The following ZNF428 variants were observed in gnomAD, a reference collection of about 807,000 sequenced individuals.
The protein encoded by ZNF428 is zinc finger protein 428, also known as enzyme-like protein PIT13.
In ZNF428, 5 loss-of-function variants were observed where a neutral mutation model predicts 15.6. The ratio of observed to expected loss-of-function variants is 0.32; its 90% CI spans 0.17 to 0.67. The LOEUF (loss-of-function observed/expected upper bound fraction) is 0.67, where lower values mean the gene tolerates loss of function less well. ZNF428 is among the 30% of genes least tolerant of loss of function. ZNF428 has a pLI of 0.73. For missense variants in ZNF428, 237 were observed against 256.0 expected, an observed-to-expected ratio of 0.93 and a Z score of 0.51; for synonymous variants, 97 against 102.2, an observed-to-expected ratio of 0.95 and a Z score of 0.31.
At chr19:43,609,054 A>G (rs1973268927) in intron 2 of ZNF428, among the ~76,000 whole-genome samples, 1 of 152,180 alleles carries the variant, frequency 6.6e-6, no homozygotes, top group South Asian at 2.1e-4. Context: ...GGAGTAGTAA[A>G]AACCCACCAG....
chr19:43,612,630 G>GA lies in ZNF428; in HGVS notation c.76+1598dup. 3 of 1,551,538 alleles carry GA rather than the reference G, an allele frequency of 1.9e-6. No homozygotes were observed. Among genetic ancestry groups the GA allele is most frequent in the Non-Finnish European group, 2.6e-6 (3 of 1,146,986 alleles). On this transcript the variant is annotated intron_variant, in intron 2 of 2. Coordinates refer to ENST00000300811, the MANE Select transcript of ZNF428 (RefSeq NM_182498.4). This position sits in a 1 kb window ranked among gnomAD's most constrained non-coding sequence, Gnocchi z 4.2. ...ACTTCACAGCAAAAAGGGAGCCGGG[G>GA]AAAGAGTTACGGCCGGCCTAGAACC...
rs1973313437 is a variant in ZNF428, at chr19:43,612,648, C to G, written c.76+1581G>C. The G allele has an allele frequency of 4.5e-6, 7 of 1,551,264 alleles. No homozygotes were observed. The highest frequency in any genetic ancestry group is 1.4e-5 in the African/African-American group (1 of 73,026). ...AGCCGGGGAAAGAGTTACGGCCGGC[C>G]TAGAACCAGCAACAGGGAAAGGAGT... On this transcript the variant is annotated intron_variant, in intron 2 of 2. Transcript: ENST00000300811. This position sits in a 1 kb window ranked among gnomAD's most constrained non-coding sequence, Gnocchi z 4.2.
chr19:43,607,653 G>A lies in ZNF428; in HGVS notation c.531C>T (p.His177=), dbSNP rs147161839. The A allele has an allele frequency of 2.2e-5, 35 of 1,604,176 alleles. No individual in the cohort carries two copies. The African/African-American group carries it at 2.5e-4, about 12-fold the overall frequency. The change falls in exon 3 of 3, where the codon CAC becomes CAT. Residue 177 remains histidine, a synonymous_variant. Coordinates refer to ENST00000300811, the MANE Select transcript of ZNF428 (RefSeq NM_182498.4). This position sits in a 1 kb window ranked among gnomAD's most constrained non-coding sequence, Gnocchi z 5.1. ...CCCGGGCATGCAGCATGAAGTGCCC[G>A]TGCAGCTCCCCCAGGTTGTCGAAGG... The part of the protein sequence containing the change: ...EDSFDNLGEL[H]GHFMLHARGE...
rs754079033 is a variant in ZNF428 at position 43,612,912 on chromosome 19, G to A, written c.76+1317C>T. Reference sequence around the variant, plus strand: ...AGTTACAGCCCCACTGAAATGTCCAGCAGGGTCAAGAGTTATAACCAGGCC... The same window carrying A: ...AGTTACAGCCCCACTGAAATGTCCAACAGGGTCAAGAGTTATAACCAGGCC... On this transcript the variant is annotated intron_variant, in intron 2 of 2. Transcript: ENST00000300811. This position sits in a 1 kb window ranked among gnomAD's most constrained non-coding sequence, Gnocchi z 4.2. 2.6e-6 allele frequency: 4 copies of A among 1,551,732 alleles called. No homozygotes were observed. Among genetic ancestry groups the A allele is most frequent in the Non-Finnish European group, 3.5e-6 (4 of 1,146,994 alleles).
At chr19:43,610,249 G>C (rs1973281286) in intron 2 of ZNF428, among the ~76,000 whole-genome samples, 1 of 151,848 alleles carries the variant, frequency 6.6e-6, no homozygotes, top group Admixed American at 6.6e-5. Flanking sequence ...ATCCAGGCTG[G>C]AGTGCAGTGG....
rs777723566 is a variant in ZNF428, at chr19:43,613,473, G to A, written c.76+756C>T. 2.9e-5 allele frequency: 45 copies of A among 1,544,282 alleles called. No homozygotes were observed. Among genetic ancestry groups the A allele is most frequent in the Admixed American group, 6.0e-5 (3 of 50,276 alleles). ...CCCTACAAGGCGAGAGATCGCAGCC[G>A]ATCTAGAAGTCCCAACAAGGCAAGA... On this transcript the variant is annotated intron_variant, in intron 2 of 2. Coordinates refer to ENST00000300811, the MANE Select transcript of ZNF428 (RefSeq NM_182498.4).
Position 43,607,539 on chromosome 19 carries a change from A to G in ZNF428, c.*78T>C. Reference sequence around the variant, plus strand: ...CGGCAGTACCCCATCCCCCATGACCACTGTCACAACCCCAATTTCCTCAGC... The same window carrying G: ...CGGCAGTACCCCATCCCCCATGACCGCTGTCACAACCCCAATTTCCTCAGC... On this transcript the variant is annotated 3_prime_UTR_variant, in exon 3 of 3. Coordinates refer to ENST00000300811, the MANE Select transcript of ZNF428 (RefSeq NM_182498.4). This position sits in a 1 kb window ranked among gnomAD's most constrained non-coding sequence, Gnocchi z 5.1. 6.9e-7 allele frequency: 1 copy of G among 1,459,700 alleles called. No homozygotes were observed. The allele number at this position is 1,459,700 out of a possible 1,614,324, so 90.4% of individuals were successfully genotyped here. A position where few individuals can be genotyped will look rare whatever the true frequency, so the allele number is the denominator to read the frequency against.
intron 1 of ZNF428, among the ~76,000 whole-genome samples, chr19:43,616,746 C>G (rs1444675772): frequency 2.6e-5 from 4 of 151,948 alleles, no homozygotes; most frequent in East Asian, 1.9e-4. Context: ...CCTGTGCACA[C>G]AAGGCCTTTT....
chr19:43,617,174 T>C lies in ZNF428; in HGVS notation c.-131+2384A>G, dbSNP rs951863396. On this transcript the variant is annotated intron_variant, in intron 1 of 2. Transcript: ENST00000300811. ...ACAAACATAAGAACCTCTATACTTCTTGCCCGCTGAAATACTGCCTCTGCC... is the reference window on the plus strand; with the variant it reads ...ACAAACATAAGAACCTCTATACTTCCTGCCCGCTGAAATACTGCCTCTGCC... 6.6e-5 allele frequency among the ~76,000 whole-genome samples: 10 copies of C among 152,216 alleles called. No homozygotes were observed. In the East Asian group the frequency reaches 1.5e-3, roughly 24 times the overall value.
rs773863977 is a variant in ZNF428 at position 43,607,805 on chromosome 19, C to G, written c.379G>C (p.Glu127Gln). The change falls in exon 3 of 3, where the codon GAA becomes CAA. Residue 127 changes from glutamate (E) to glutamine (Q), a missense_variant. By Grantham distance (29) the Glu-to-Gln change is conservative (BLOSUM62 2). Transcript: ENST00000300811. The surrounding 1 kb of genome is among the most constrained non-coding windows in gnomAD (Gnocchi z 5.1). The stretch of plus-strand genomic sequence containing the variant: ...TCTTCCTCCCCGAGGGCCCTGCCTT[C>G]AGGGGCTGGTGCTTCCTGGGGGGCT... ...ATAPQEAPAP[E>Q]GRALGEEEEE... The G allele has an allele frequency of 1.5e-5, 23 of 1,577,846 alleles. No homozygotes were observed. Among genetic ancestry groups the G allele is most frequent in the South Asian group, 3.4e-5 (3 of 87,160 alleles).
intron 1 of ZNF428, among the ~76,000 whole-genome samples, chr19:43,616,688 A>G (rs1164555898): frequency 6.6e-6 from 1 of 151,508 alleles, no homozygotes; most frequent in Non-Finnish European, 1.5e-5. Context: ...TACTACTCCC[A>G]CCCCTGCCCC....
At position 43,612,361 on chromosome 19, in the gene ZNF428, C is replaced by T; in HGVS notation, c.76+1868G>A. 1 of 1,551,736 alleles carries T rather than the reference C, an allele frequency of 6.4e-7. No individual in the cohort carries two copies. ...GAGCCCCTTCTAACCGGCCCAGCAG[C>T]AGGTCCCGAGTCCGCAGCAAAGCAA... On this transcript the variant is annotated intron_variant, in intron 2 of 2. Coordinates refer to ENST00000300811, the MANE Select transcript of ZNF428 (RefSeq NM_182498.4). The surrounding 1 kb of genome is among the most constrained non-coding windows in gnomAD (Gnocchi z 4.2).
chr19:43,617,698 T>G (rs113468020), intron 1 of ZNF428, among the ~76,000 whole-genome samples: 23 of 152,308 alleles, frequency 1.5e-4, no homozygotes, highest in African/African-American at 2.2e-4. Context: ...CAATTAATTT[T>G]TTTGTTTGTT....
chr19:43,609,359 G>GGA (rs55665674), intron 2 of ZNF428, among the ~76,000 whole-genome samples: 57 of 81,866 alleles, frequency 7.0e-4, no homozygotes, highest in South Asian at 1.6e-3. Flanking sequence ...CTGTGGCCAT[G>GGA]GAGAGAGAGA....
In ZNF428 at chr19:43,614,322, G is replaced by A. The variant is rs912107828; in HGVS notation, c.-18C>T. ...TCTGTCATGACCGGGGGAGGGGACA[G>A]GAGACAGGAGCAGAGCAGCAGCTGA... On this transcript the variant is annotated 5_prime_UTR_variant, in exon 2 of 3. Transcript: ENST00000300811. 6.9e-6 allele frequency: 11 copies of A among 1,590,212 alleles called. No individual in the cohort carries two copies. The highest frequency in any genetic ancestry group is 6.0e-6 in the Non-Finnish European group (7 of 1,168,416).
At chr19:43,613,214 C>G in intron 2 of ZNF428, 1 of 1,551,628 alleles carries the variant, frequency 6.4e-7, no homozygotes, top group Non-Finnish European at 8.7e-7. Context: ...GGAAAGAAGT[C>G]ATAGCCATTC....
At chr19:43,614,846 C>A (rs910337458) in intron 1 of ZNF428, among the ~76,000 whole-genome samples, 3 of 152,170 alleles carry the variant, frequency 2.0e-5, no homozygotes, top group Non-Finnish European at 4.4e-5. Flanking sequence ...GATCCACATG[C>A]CTCAACCTCG....
chr19:43,610,654 T>C (rs902689598), intron 2 of ZNF428, among the ~76,000 whole-genome samples: 9 of 152,312 alleles, frequency 5.9e-5, no homozygotes, highest in African/African-American at 2.2e-4. Flanking sequence ...ATGACATATT[T>C]ATGGCATGGA....
intron 1 of ZNF428, among the ~76,000 whole-genome samples, chr19:43,619,350 T>C (rs1973411488): frequency 6.6e-6 from 1 of 152,104 alleles, no homozygotes; most frequent in South Asian, 2.1e-4. Flanking sequence ...GCGGACCGAC[T>C]CCCACAGCGC....
Sources: gnomAD v4.1 joint callset for allele counts (sites outside exome capture counted in the v4.1 genomes callset) on GRCh38, gnomAD v4.1.1 for gene constraint, Gnocchi (gnomAD v3.1) non-coding constraint, MANE v1.5 for transcripts, NCBI Gene and HGNC (gene_info 2026-07-23, HGNC 2026-07-21) for gene names.